DST: variants seen among roughly 807,000 people sequenced by gnomAD.
The protein encoded by DST is dystonin.
DST carries 253 observed loss-of-function variants against 875.2 expected under a neutral mutation model. The ratio of observed to expected loss-of-function variants is 0.29; its 90% CI spans 0.26 to 0.32. DST has a LOEUF of 0.32. Among genes scored for constraint, DST ranks in the 10% least tolerant of loss-of-function variants. The pLI, the probability that DST is intolerant of heterozygous loss-of-function variation, is 1.00. For missense variants in DST, 8,287 were observed against 9,111.6 expected, an observed-to-expected ratio of 0.91 and a Z score of 3.68; for synonymous variants, 3,124 against 3,197.1, an observed-to-expected ratio of 0.98 and a Z score of 0.77.
intron 36 of DST, chr6:56,615,963 C>T (rs751223021): frequency 2.5e-6 from 4 of 1,614,194 alleles, no homozygotes; most frequent in South Asian, 1.1e-5. Flanking sequence ...TGCAAAGCTT[C>T]GGCCACCCGG....
At chr6:56,746,068 A>G (rs565626969) in intron 4 of DST, among the ~76,000 whole-genome samples, 2 of 152,146 alleles carry the variant, frequency 1.3e-5, no homozygotes, top group Non-Finnish European at 2.9e-5. Context: ...TGCAAACTCA[A>G]CCTCCTGGGC....
intron 4 of DST, among the ~76,000 whole-genome samples, chr6:56,745,638 A>G (rs1176230911): frequency 6.6e-6 from 1 of 152,218 alleles, no homozygotes; most frequent in Non-Finnish European, 1.5e-5. Flanking sequence ...CACTGATATA[A>G]CAGCAGACAC....
chr6:56,599,393 G>C (rs79423350), intron 45 of DST, among the ~76,000 whole-genome samples: 1,540 of 151,872 alleles, frequency 0.01, 27 homozygotes, highest in African/African-American at 0.035. Flanking sequence ...TATTTGAATT[G>C]AAAGAAATCC....
chr6:56,642,620 A>G (rs778149944), intron 15 of DST, 117 bp from the exon 16 acceptor site: 2 of 1,614,110 alleles, frequency 1.2e-6, no homozygotes, highest in Non-Finnish European at 1.7e-6. Context: ...ATGATTCAAT[A>G]CCTGTGTCCA....
At chr6:56,494,225 A>G in intron 82 of DST, 45 bp from the exon 83 acceptor site, 1 of 1,529,656 alleles carries the variant, frequency 6.5e-7, no homozygotes, top group Non-Finnish European at 8.8e-7. Flanking sequence ...AGAAAGTAAA[A>G]TTTAAGAGTT....
chr6:56,622,946 A>C (rs1449841703), intron 36 of DST, among the ~76,000 whole-genome samples: 2 of 152,234 alleles, frequency 1.3e-5, no homozygotes, highest in Non-Finnish European at 2.9e-5. Context: ...AAGGTTTTTC[A>C]TGTGGGTCTT....
intron 4 of DST, among the ~76,000 whole-genome samples, chr6:56,764,106 C>CAA (rs899224729): frequency 5.3e-5 from 8 of 151,108 alleles, no homozygotes; most frequent in African/African-American, 1.7e-4. Context: ...TGCACACACA[C>CAA]ACACACACAC....
chr6:56,496,422 G>A (rs906722324), intron 82 of DST, among the ~76,000 whole-genome samples: 2 of 151,944 alleles, frequency 1.3e-5, no homozygotes, highest in African/African-American at 2.4e-5. Context: ...TGTATTTGGT[G>A]TAAGTATGAA....
At chr6:56,548,748 C>T (rs556021633) in intron 61 of DST, among the ~76,000 whole-genome samples, 1 of 152,314 alleles carries the variant, frequency 6.6e-6, no homozygotes, top group South Asian at 2.1e-4. Context: ...GGTACTCTAA[C>T]TTACCAACAG....
intron 2 of DST, chr6:56,945,608 A>G (rs1332433639): frequency 6.6e-6 from 1 of 152,186 alleles, no homozygotes; most frequent in Non-Finnish European, 1.5e-5. Context: ...TCTAAATTTG[A>G]TAGGCAGATT....
chr6:56,734,625 TG>T (rs1291529634), intron 5 of DST, among the ~76,000 whole-genome samples: 1 of 152,210 alleles, frequency 6.6e-6, no homozygotes, highest in Non-Finnish European at 1.5e-5. Flanking sequence ...CGAAATTACA[TG>T]CAAATTTTGT....
intron 5 of DST, among the ~76,000 whole-genome samples, chr6:56,709,708 AG>A (rs1176324027): frequency 2.0e-5 from 3 of 152,222 alleles, no homozygotes; most frequent in African/African-American, 7.2e-5. Context: ...GAATAATAAG[AG>A]TGCCACCTCT....
chr6:56,673,072 T>C (rs1417661493), intron 9 of DST, among the ~76,000 whole-genome samples: 1 of 151,678 alleles, frequency 6.6e-6, no homozygotes, highest in African/African-American at 2.4e-5. Flanking sequence ...CTGGGCAACA[T>C]AGTGAGACCC....
At chr6:56,530,948 T>C (rs908764433) in intron 64 of DST, among the ~76,000 whole-genome samples, 1 of 152,166 alleles carries the variant, frequency 6.6e-6, no homozygotes, top group Non-Finnish European at 1.5e-5. Flanking sequence ...CATGTTTAAT[T>C]TTCAGGGAAT....
chr6:56,927,458 A>G (rs1488433447), intron 2 of DST, among the ~76,000 whole-genome samples: 1 of 152,226 alleles, frequency 6.6e-6, no homozygotes, highest in East Asian at 1.9e-4. Context: ...CTGAAAGAGA[A>G]AAATTAAGAC....
chr6:56,618,361 G>C (rs2098650283), intron 36 of DST: 3 of 1,614,176 alleles, frequency 1.9e-6, no homozygotes, highest in Non-Finnish European at 2.5e-6. Context: ...GCTCTCCAGA[G>C]TGCTGGCACT....
At chr6:56,917,702 G>A (rs1801895495) in intron 2 of DST, among the ~76,000 whole-genome samples, 1 of 152,100 alleles carries the variant, frequency 6.6e-6, no homozygotes, top group Admixed American at 6.6e-5. Flanking sequence ...TTTCAATGTG[G>A]CTTTTTAAAT....
At position 56,494,038 on chromosome 6, in the gene DST, G is replaced by A. The variant is rs549175578; in HGVS notation, c.20366C>T (p.Ser6789Leu). ...DINNLKEKWE[S>L]VETKLNERKT... ...CCTTTCATTGAGTTTGGTTTCCACC[G>A]ATTCCCATTTTTCTTTCAAGTTATT... The change falls in exon 83 of 104, where the codon TCG becomes TTG. Residue 6789 changes from serine to leucine, a missense_variant. This residue lies in a region of DST where 1,292 missense variants were observed against 1,552.7 expected (regional missense o/e 0.83). Coordinates refer to ENST00000680361, the MANE Select transcript of DST (RefSeq NM_001374736.1). 2.8e-5 allele frequency: 45 copies of A among 1,597,660 alleles called. No individual in the cohort carries two copies. In the Admixed American group the frequency reaches 5.1e-4, roughly 18 times the overall value.
chr6:56,763,722 C>CACAT (rs2099624607), intron 4 of DST, among the ~76,000 whole-genome samples: 1 of 144,168 alleles, frequency 6.9e-6, no homozygotes, highest in African/African-American at 2.5e-5. Context: ...CACACACACA[C>CACAT]ACATATAGGG....
Sources: gnomAD v4.1 joint callset for allele counts (sites outside exome capture counted in the v4.1 genomes callset) on GRCh38, gnomAD v4.1.1 for gene constraint, gnomAD v4.1.1 regional missense constraint, MANE v1.5 for transcripts, NCBI Gene and HGNC (gene_info 2026-07-23, HGNC 2026-07-21) for gene names.